Variants in PCDH9 observed in about 807,000 individuals in gnomAD.
PCDH9 encodes protocadherin-9.
In PCDH9, 24 loss-of-function variants were observed where a neutral mutation model predicts 70.6. The observed-to-expected ratio is 0.34, with a 90% CI of 0.25 to 0.48. PCDH9 has a LOEUF of 0.48. PCDH9 is among the 20% of genes least tolerant of loss of function. The pLI is 0.99. For synonymous variants in PCDH9, 562 were observed against 558.5 expected, an observed-to-expected ratio of 1.01 and a Z score of -0.09; for missense variants, 1,281 against 1,503.6, an observed-to-expected ratio of 0.85 and a Z score of 2.45.
chr13:67,057,140 T>C (rs2085437357), intron 2 of PCDH9, among the ~76,000 whole-genome samples: 1 of 152,188 alleles, frequency 6.6e-6, no homozygotes. Flanking sequence ...CACACTATTT[T>C]GAAGTGTCTC....
intron 3 of PCDH9, among the ~76,000 whole-genome samples, chr13:66,656,565 C>T (rs2077932540): frequency 6.6e-6 from 1 of 151,600 alleles, no homozygotes; most frequent in Non-Finnish European, 1.5e-5. Context: ...GAAAGTGATG[C>T]CTTCTAGGCA....
At chr13:66,684,972 T>A (rs1254184142) in intron 3 of PCDH9, among the ~76,000 whole-genome samples, 1 of 151,818 alleles carries the variant, frequency 6.6e-6, no homozygotes, top group East Asian at 1.9e-4. Flanking sequence ...TTAAAAGCAA[T>A]CAGTTTTATG....
intron 4 of PCDH9, among the ~76,000 whole-genome samples, chr13:66,452,930 C>T (rs1339583370): frequency 6.6e-6 from 1 of 152,066 alleles, no homozygotes; most frequent in Non-Finnish European, 1.5e-5. Flanking sequence ...ATATGCTCAT[C>T]CATCTATCCA....
At chr13:67,224,966 G>A in intron 2 of PCDH9, 1 of 1,010,656 alleles carries the variant, frequency 9.9e-7, no homozygotes, top group Non-Finnish European at 1.2e-6. Context: ...AACCATAGCT[G>A]CAACATAATT....
intron 2 of PCDH9, among the ~76,000 whole-genome samples, chr13:67,013,259 A>C (rs951417856): frequency 2.4e-5 from 3 of 124,454 alleles, no homozygotes; most frequent in African/African-American, 8.9e-5. Context: ...CTTGTTTTTT[A>C]ATGTAACACA....
chr13:66,952,976 A>G (rs2083208118), intron 2 of PCDH9, among the ~76,000 whole-genome samples: 1 of 152,138 alleles, frequency 6.6e-6, no homozygotes, highest in African/African-American at 2.4e-5. Context: ...TTTTTTTCCT[A>G]TCATTTCTAT....
intron 4 of PCDH9, among the ~76,000 whole-genome samples, chr13:66,532,527 A>G (rs1184339184): frequency 6.6e-6 from 1 of 152,090 alleles, no homozygotes; most frequent in Non-Finnish European, 1.5e-5. Flanking sequence ...GTCAAAATAC[A>G]TATTTGATTA....
At chr13:66,882,350 C>A (rs1195584876) in intron 3 of PCDH9, among the ~76,000 whole-genome samples, 1 of 152,112 alleles carries the variant, frequency 6.6e-6, no homozygotes, top group Non-Finnish European at 1.5e-5. Context: ...CTCTCCAATG[C>A]CAGGCAAATG....
chr13:66,732,153 G>A lies in PCDH9; in HGVS notation c.3139-100742C>T, dbSNP rs191184077. Among the ~76,000 whole-genome samples, 1,180 of 151,922 alleles carry A rather than the reference G, an allele frequency of 7.8e-3. 14 individuals are homozygous for A. The highest frequency in any genetic ancestry group is 0.027 in the African/African-American group (1,102 of 41,508). On this transcript the variant is annotated intron_variant, in intron 3 of 4. Coordinates refer to ENST00000377865, the MANE Select transcript of PCDH9 (RefSeq NM_203487.3). ...TAAAAACTTTCTTTGATATACAATA[G>A]TTGTATGTATTCTTGGAATACATGT...
At chr13:66,799,555 TA>T (rs1239305572) in intron 3 of PCDH9, among the ~76,000 whole-genome samples, 1 of 152,208 alleles carries the variant, frequency 6.6e-6, no homozygotes, top group Non-Finnish European at 1.5e-5. Flanking sequence ...CTAAGAACTA[TA>T]AGGACCAGTA....
At chr13:66,729,209 T>C (rs1039935059) in intron 3 of PCDH9, among the ~76,000 whole-genome samples, 1 of 152,222 alleles carries the variant, frequency 6.6e-6, no homozygotes, top group Admixed American at 6.5e-5. Flanking sequence ...AAGATGATGG[T>C]ATCACATCCT....
chr13:67,083,621 T>A (rs892727275), intron 2 of PCDH9, among the ~76,000 whole-genome samples: 2 of 152,126 alleles, frequency 1.3e-5, no homozygotes, highest in Non-Finnish European at 2.9e-5. Flanking sequence ...AGTAAAAAAA[T>A]TGACGTGAAA....
chr13:67,010,891 T>C (rs1186014236), intron 2 of PCDH9, among the ~76,000 whole-genome samples: 2 of 151,968 alleles, frequency 1.3e-5, no homozygotes, highest in Non-Finnish European at 1.5e-5. Flanking sequence ...GATTAGATAT[T>C]TAGTTCTATT....
intron 4 of PCDH9, among the ~76,000 whole-genome samples, chr13:66,496,324 G>A (rs1168655834): frequency 6.6e-6 from 1 of 151,990 alleles, no homozygotes; most frequent in African/African-American, 2.4e-5. Context: ...CATACCTCCA[G>A]GTCTGTTTTC....
rs145095380 is a variant in PCDH9 at position 66,435,572 on chromosome 13, CCCTT to C, written c.3341-130548_3341-130545del. Among the ~76,000 whole-genome samples the C allele has an allele frequency of 7.9e-3, 1,205 of 152,198 alleles. 14 individuals carry two copies. The highest frequency in any genetic ancestry group is 0.026 in the African/African-American group (1,091 of 41,526). On this transcript the variant is annotated intron_variant, in intron 4 of 4. Transcript: ENST00000377865. The stretch of plus-strand genomic sequence containing the variant: ...ATTAATACATTTCATAAGATTCACT[CCCTT>C]CATTTTCATTCACATGCTAAGGCTT...
intron 2 of PCDH9, among the ~76,000 whole-genome samples, chr13:67,118,215 T>A (rs2086814160): frequency 6.6e-6 from 1 of 152,136 alleles, no homozygotes; most frequent in African/African-American, 2.4e-5. Context: ...ACAGAGAGAA[T>A]GTTACCTTCA....
chr13:66,517,706 T>G (rs1959803239), intron 4 of PCDH9, among the ~76,000 whole-genome samples: 1 of 152,162 alleles, frequency 6.6e-6, no homozygotes, highest in Non-Finnish European at 1.5e-5. Context: ...AGAACTAAGA[T>G]TTAAGCTCTA....
chr13:66,618,622 T>C, intron 4 of PCDH9, among the ~76,000 whole-genome samples: 1 of 152,292 alleles, frequency 6.6e-6, no homozygotes. Flanking sequence ...ATTTAAAAAG[T>C]TAATTTTATA....
At position 67,041,088 on chromosome 13, in the gene PCDH9, T is replaced by C. The variant is rs559724380; in HGVS notation, c.3037-137483A>G. On this transcript the variant is annotated intron_variant, in intron 2 of 4. Coordinates refer to ENST00000377865, the MANE Select transcript of PCDH9 (RefSeq NM_203487.3). ...TAAAAAAAAAAGATTAGATATACCCTTTTTACTAGTAATAGAATGTTGTTA... is the reference window on the plus strand; with the variant it reads ...TAAAAAAAAAAGATTAGATATACCCCTTTTACTAGTAATAGAATGTTGTTA... 3.3e-5 allele frequency among the ~76,000 whole-genome samples: 5 copies of C among 152,226 alleles called. No individual in the cohort carries two copies. In the South Asian group the frequency reaches 8.3e-4, roughly 25 times the overall value.
Sources: gnomAD v4.1 joint callset for allele counts (sites outside exome capture counted in the v4.1 genomes callset) on GRCh38, gnomAD v4.1.1 for gene constraint, MANE v1.5 for transcripts, NCBI Gene and HGNC (gene_info 2026-07-23, HGNC 2026-07-21) for gene names.